The following RPS6KA5 variants were observed in gnomAD, a reference collection of about 807,000 sequenced individuals.
The protein encoded by RPS6KA5 is ribosomal protein S6 kinase alpha-5.
In RPS6KA5, 27 loss-of-function variants were observed where a neutral mutation model predicts 85.5. That is an observed-to-expected ratio of 0.32 (90% CI 0.23 to 0.44). The LOEUF (loss-of-function observed/expected upper bound fraction) is 0.44. Among genes scored for constraint, RPS6KA5 ranks in the 20% least tolerant of loss-of-function variants. RPS6KA5 has a pLI of 1.00. For synonymous variants in RPS6KA5, 334 were observed against 348.2 expected (o/e 0.96, Z 0.46); for missense variants, 811 against 980.9 (o/e 0.83, Z 2.31).
At chr14:90,982,884 C>A (rs540745331) in intron 2 of RPS6KA5, among the ~76,000 whole-genome samples, 1 of 152,164 alleles carries the variant, frequency 6.6e-6, no homozygotes, top group South Asian at 2.1e-4. Context: ...GAGGCCGAGG[C>A]GGGCAGATCA....
chr14:90,982,684 A>C (rs1190806628), intron 2 of RPS6KA5, among the ~76,000 whole-genome samples: 1 of 152,180 alleles, frequency 6.6e-6, no homozygotes, highest in Admixed American at 6.5e-5. Flanking sequence ...CTGTTAAGAA[A>C]TATAAGCAAG....
At chr14:90,925,879 C>A (rs1376643613) in intron 5 of RPS6KA5, among the ~76,000 whole-genome samples, 1 of 136,250 alleles carries the variant, frequency 7.3e-6, no homozygotes, top group African/African-American at 2.8e-5. Flanking sequence ...GAGATCGAGG[C>A]TGCAGTGAGC....
At chr14:90,919,789 T>A (rs2140288517) in intron 7 of RPS6KA5, among the ~76,000 whole-genome samples, 1 of 152,326 alleles carries the variant, frequency 6.6e-6, no homozygotes, top group East Asian at 1.9e-4. Context: ...CGATATTTGT[T>A]TCTATTGAGA....
intron 14 of RPS6KA5, among the ~76,000 whole-genome samples, chr14:90,877,735 T>C (rs945253707): frequency 6.6e-6 from 1 of 152,088 alleles, no homozygotes; most frequent in Non-Finnish European, 1.5e-5. Flanking sequence ...GTCCCATGCA[T>C]CCTAGGGTGC....
intron 1 of RPS6KA5, among the ~76,000 whole-genome samples, chr14:91,040,854 A>G (rs906469685): frequency 2.0e-5 from 3 of 152,216 alleles, no homozygotes; most frequent in African/African-American, 7.2e-5. Context: ...ATTCAAACTG[A>G]GACATTTCCA....
chr14:90,863,233 G>A lies in RPS6KA5; in HGVS notation c.*8841C>T, dbSNP rs1041646243. 2.0e-4 allele frequency: 29 copies of A among 147,948 alleles called. No homozygotes were observed. Among genetic ancestry groups the A allele is most frequent in the Middle Eastern group, 3.5e-3 (1 of 284 alleles). The allele number at this position is 147,948 out of a possible 1,614,324, so 9.2% of individuals were successfully genotyped here. The stretch of plus-strand genomic sequence containing the variant: ...CAGAAGAATCACTTGAACCTGGGAG[G>A]TGGAGGTTGCAGTGAGCTGAGATTG... On this transcript the variant is annotated 3_prime_UTR_variant, in exon 17 of 17. Coordinates refer to ENST00000614987, the MANE Select transcript of RPS6KA5 (RefSeq NM_004755.4).
At chr14:90,938,352 G>A (rs1595270130) in intron 5 of RPS6KA5, among the ~76,000 whole-genome samples, 1 of 152,334 alleles carries the variant, frequency 6.6e-6, no homozygotes, top group East Asian at 1.9e-4. Flanking sequence ...GGTGTTGAGT[G>A]TCTGTGGCTT....
In RPS6KA5 at chr14:90,877,187, T is replaced by C. The variant is rs148844894; in HGVS notation, c.1837-1827A>G. Among the ~76,000 whole-genome samples, 4 of 152,256 alleles carry C rather than the reference T, an allele frequency of 2.6e-5. No homozygotes were observed. The East Asian group carries it at 5.8e-4, about 22-fold the overall frequency. On this transcript the variant is annotated intron_variant, in intron 14 of 16. Transcript: ENST00000614987. Reference sequence around the variant, plus strand: ...AATAGAAAATTGTGCCTGAGAAGAATAAAAACTATATGCATGAGAATGCGC... The same window carrying C: ...AATAGAAAATTGTGCCTGAGAAGAACAAAAACTATATGCATGAGAATGCGC...
chr14:90,967,969 C>T (rs2039149932), intron 3 of RPS6KA5, among the ~76,000 whole-genome samples: 1 of 152,136 alleles, frequency 6.6e-6, no homozygotes, highest in South Asian at 2.1e-4. Context: ...ACCCACTGTT[C>T]CCTTCATATT....
chr14:90,999,402 T>A (rs1209896697), intron 2 of RPS6KA5, among the ~76,000 whole-genome samples: 2 of 152,098 alleles, frequency 1.3e-5, no homozygotes, highest in Non-Finnish European at 2.9e-5. Flanking sequence ...CTCAGGTCCC[T>A]GAGAGTGTGA....
chr14:90,983,843 CTTTT>C (rs59531773), intron 2 of RPS6KA5, among the ~76,000 whole-genome samples: 11,102 of 122,132 alleles, frequency 0.091, 769 homozygotes, highest in African/African-American at 0.19. Flanking sequence ...CTCTCTCTTT[CTTTT>C]TTTCTTTCTT....
At position 90,942,080 on chromosome 14, in the gene RPS6KA5, T is replaced by C. The variant is rs529649371; in HGVS notation, c.618+998A>G. Among the ~76,000 whole-genome samples, 3 of 152,314 alleles carry C rather than the reference T, an allele frequency of 2.0e-5. No individual in the cohort carries two copies. The South Asian group carries it at 6.2e-4, about 32-fold the overall frequency. On this transcript the variant is annotated intron_variant, in intron 5 of 16. Transcript: ENST00000614987. ...CATTTTCACTTCATTTATTATTGTATTGTCCAGTACCCAGCATAGTAGAGG... is the reference window on the plus strand; with the variant it reads ...CATTTTCACTTCATTTATTATTGTACTGTCCAGTACCCAGCATAGTAGAGG...
intron 14 of RPS6KA5, among the ~76,000 whole-genome samples, chr14:90,876,906 C>T (rs2033518452): frequency 2.0e-5 from 3 of 152,166 alleles, no homozygotes; most frequent in African/African-American, 4.8e-5. Flanking sequence ...GACAAGTAGG[C>T]TTGTCCTCAC....
Position 90,867,762 on chromosome 14 carries a change from C to T in RPS6KA5, c.*4312G>A, listed in dbSNP as rs2032861017. On this transcript the variant is annotated 3_prime_UTR_variant, in exon 17 of 17. Coordinates refer to ENST00000614987, the MANE Select transcript of RPS6KA5 (RefSeq NM_004755.4). ...TTGCACTAGGGTGAAGAAACCAAGACACAAACATTTGGAAGCCACTTTAGT... is the reference window on the plus strand; with the variant it reads ...TTGCACTAGGGTGAAGAAACCAAGATACAAACATTTGGAAGCCACTTTAGT... The T allele has an allele frequency of 6.6e-6, 1 of 152,172 alleles. No homozygotes were observed. Among genetic ancestry groups the T allele is most frequent in the African/African-American group, 2.4e-5 (1 of 41,450 alleles). The allele number at this position is 152,172 out of a possible 1,614,324, so 9.4% of individuals were successfully genotyped here. A position where few individuals can be genotyped will look rare whatever the true frequency, so the allele number is the denominator to read the frequency against.
At chr14:90,917,837 C>T (rs1012961727) in intron 7 of RPS6KA5, among the ~76,000 whole-genome samples, 6 of 152,194 alleles carry the variant, frequency 3.9e-5, no homozygotes, top group African/African-American at 1.4e-4. Flanking sequence ...ACTGTGACTA[C>T]AGGTGCACTA....
At chr14:91,023,695 G>T (rs1305217967) in intron 1 of RPS6KA5, among the ~76,000 whole-genome samples, 3 of 151,534 alleles carry the variant, frequency 2.0e-5, no homozygotes, top group African/African-American at 7.3e-5. Flanking sequence ...ACACAAAGTT[G>T]CTCCAGTGCT....
intron 2 of RPS6KA5, among the ~76,000 whole-genome samples, chr14:90,990,752 C>G (rs983703995): frequency 6.6e-6 from 1 of 152,034 alleles, no homozygotes; most frequent in African/African-American, 2.4e-5. Context: ...ACGGATACAG[C>G]TGGAGACCAT....
chr14:90,901,014 C>T (rs1172874376), intron 9 of RPS6KA5, among the ~76,000 whole-genome samples: 2 of 152,186 alleles, frequency 1.3e-5, no homozygotes, highest in Non-Finnish European at 2.9e-5. Flanking sequence ...CAAAATCAGA[C>T]TCATAGATGA....
rs563031468 is a variant in RPS6KA5, at chr14:90,943,270, TA to T, written c.511-86del. On this transcript the variant is annotated intron_variant, in intron 4 of 16. Transcript: ENST00000614987. ...TCTTTCTCGTCTACCTTTATTTATT[TA>T]TTTTTTTTTTTAAGGCATTTCCCTC... is the stretch of plus-strand genomic sequence containing the variant. 9.6e-3 allele frequency: 6,342 copies of T among 658,132 alleles called. 253 individuals are homozygous for T. In the African/African-American group the frequency reaches 0.13, roughly 13 times the overall value. The allele number at this position is 658,132 out of a possible 1,614,324, so 40.8% of individuals were successfully genotyped here. A position where few individuals can be genotyped will look rare whatever the true frequency, so the allele number is the denominator to read the frequency against.
Sources: allele counts gnomAD v4.1 joint callset (sites outside exome capture counted in the v4.1 genomes callset), GRCh38; gene constraint gnomAD v4.1.1; transcripts MANE v1.5; gene names NCBI Gene and HGNC (gene_info 2026-07-23, HGNC 2026-07-21).